The following TXNRD3 variants were observed in gnomAD, a reference collection of about 807,000 sequenced individuals.
TXNRD3 encodes thioredoxin reductase 3, also known as TXNRD3 neighbor gene protein.
TXNRD3 carries 68 observed loss-of-function variants against 78.2 expected under a neutral mutation model. That is an observed-to-expected ratio of 0.87 (90% CI 0.72 to 1.06). The LOEUF is 1.06. Among genes scored for constraint, TXNRD3 ranks in the 50% least tolerant of loss-of-function variants. The pLI, the probability that TXNRD3 is intolerant of heterozygous loss-of-function variation, is 0.00. For missense variants in TXNRD3, 751 were observed against 809.5 expected, an observed-to-expected ratio of 0.93 and a Z score of 0.88; for synonymous variants, 296 against 300.1, an observed-to-expected ratio of 0.99 and a Z score of 0.14.
chr3:126,633,982 C>A lies in TXNRD3; in HGVS notation c.782G>T (p.Arg261Met). Residue 261 changes from arginine (R) to methionine (M), a missense_variant, in exon 7 of 16, where the codon AGG (arginine) becomes ATG (methionine). By Grantham distance (91) the Arg-to-Met change is moderately conservative. Coordinates refer to ENST00000524230, the MANE Select transcript of TXNRD3 (RefSeq NM_052883.3). ...CACAGCCTTTTCCCTCAGAGACAAC[C>A]TGTAGCCCCAGTTTAGAGAGCTGAT... The A allele has an allele frequency of 8.5e-6, 13 of 1,527,284 alleles. No homozygotes were observed. Among genetic ancestry groups the A allele is most frequent in the Non-Finnish European group, 1.1e-5 (13 of 1,141,670 alleles). The allele number at this position is 1,527,284 out of a possible 1,614,324, so 94.6% of individuals were successfully genotyped here.
chr3:126,610,394 T>C (rs72971176), intron 14 of TXNRD3, among the ~76,000 whole-genome samples: 11,129 of 152,268 alleles, frequency 0.073, 473 homozygotes, highest in East Asian at 0.2. Context: ...AAGCAAATTA[T>C]AAACAAACTG....
chr3:126,618,840 A>G (rs566038160), intron 12 of TXNRD3, among the ~76,000 whole-genome samples: 32 of 150,750 alleles, frequency 2.1e-4, no homozygotes, highest in South Asian at 1.5e-3. Context: ...ATCCCTACAC[A>G]AGGAACTCAA....
intron 15 of TXNRD3, 74 bp downstream of exon 15, chr3:126,608,425 T>C (rs1216163957): frequency 7.2e-7 from 1 of 1,383,936 alleles, no homozygotes; most frequent in East Asian, 2.6e-5. Context: ...ATGACATCTT[T>C]CTGACAAGTG....
rs1398990842 is a variant in TXNRD3, at chr3:126,630,727, T to C, written c.1182A>G (p.Lys394=). 5.2e-6 allele frequency: 8 copies of C among 1,534,272 alleles called. No homozygotes were observed. In the East Asian group the frequency reaches 1.7e-4, roughly 33 times the overall value. Residue 394 remains lysine (K), a synonymous_variant, in exon 9 of 16, where the codon AAA becomes AAG. Coordinates refer to ENST00000524230, the MANE Select transcript of TXNRD3 (RefSeq NM_052883.3). ...GCAGCCTTACCATCACAGGTATGAATTTCCGTAGGAACTTCACACCATGCT... is the reference window on the plus strand; with the variant it reads ...GCAGCCTTACCATCACAGGTATGAACTTCCGTAGGAACTTCACACCATGCT...
At chr3:126,643,662 T>C (rs554907209) in intron 5 of TXNRD3, among the ~76,000 whole-genome samples, 5 of 152,344 alleles carry the variant, frequency 3.3e-5, no homozygotes, top group African/African-American at 1.2e-4. Flanking sequence ...GTTTATATTA[T>C]CTTTCCAACA....
chr3:126,632,269 C>T (rs1037490700), intron 7 of TXNRD3, among the ~76,000 whole-genome samples: 1 of 152,108 alleles, frequency 6.6e-6, no homozygotes, highest in Non-Finnish European at 1.5e-5. Flanking sequence ...TGTCAGAAGT[C>T]ACATGAAACA....
At chr3:126,644,594 C>A (rs1933184825) in intron 3 of TXNRD3, among the ~76,000 whole-genome samples, 193 bp from the exon 4 acceptor site, 1 of 152,174 alleles carries the variant, frequency 6.6e-6, no homozygotes, top group South Asian at 2.1e-4. Context: ...AGAACTTATA[C>A]CAAAGTACAT....
intron 11 of TXNRD3, 60 bp from the exon 12 acceptor site, chr3:126,621,958 A>G: frequency 3.8e-6 from 5 of 1,325,440 alleles, no homozygotes; most frequent in Non-Finnish European, 4.9e-6. Flanking sequence ...CTGCTGGCTG[A>G]CTAATACTAT....
In TXNRD3 at chr3:126,646,210, G is replaced by T. The variant is rs1254966007; in HGVS notation, c.315C>A (p.Ala105=). 1.3e-6 allele frequency: 2 copies of T among 1,516,246 alleles called. No individual in the cohort carries two copies. The highest frequency in any genetic ancestry group is 3.4e-4 in the Middle Eastern group (2 of 5,894). The allele number at this position is 1,516,246 out of a possible 1,614,324, so 93.9% of individuals were successfully genotyped here. A position where few individuals can be genotyped will look rare whatever the true frequency, so the allele number is the denominator to read the frequency against. The change falls in exon 3 of 16, where the codon GCC becomes GCA. Residue 105 remains alanine (A), a synonymous_variant. Transcript: ENST00000524230. ...TTTCTGACAGCACTTCTTGAACCCT[G>T]GCCCCATCATCTAAAGAAGAAAAAA...
rs1012473175 is a variant in TXNRD3, at chr3:126,630,759, T to C, written c.1150A>G (p.Met384Val). 6.5e-7 allele frequency: 1 copy of C among 1,534,480 alleles called. No homozygotes were observed. The highest frequency in any genetic ancestry group is 1.2e-5 in the South Asian group (1 of 83,988). Reference sequence around the variant, plus strand: ...AGGAACTTCACACCATGCTGCTCCATGTAGGAACCCACTTTTTCTGCCATT... The same window carrying C: ...AGGAACTTCACACCATGCTGCTCCACGTAGGAACCCACTTTTTCTGCCATT... The change falls in exon 9 of 16, where the codon ATG (methionine) becomes GTG (valine). Residue 384 changes from methionine (M) to valine (V), a missense_variant. Met to Val is a conservative substitution (Grantham distance 21, BLOSUM62 1). Coordinates refer to ENST00000524230, the MANE Select transcript of TXNRD3 (RefSeq NM_052883.3).
chr3:126,643,308 C>T (rs978075042), intron 5 of TXNRD3, among the ~76,000 whole-genome samples: 2 of 152,190 alleles, frequency 1.3e-5, no homozygotes, highest in Admixed American at 1.3e-4. Flanking sequence ...AAACATCCAG[C>T]ACAAAATCTA....
At position 126,637,067 on chromosome 3, in the gene TXNRD3, T is replaced by C. The variant is rs139633177; in HGVS notation, c.713-3016A>G. 9.8e-5 allele frequency among the ~76,000 whole-genome samples: 15 copies of C among 152,306 alleles called. No homozygotes were observed. The East Asian group carries it at 2.7e-3, about 27-fold the overall frequency. On this transcript the variant is annotated intron_variant, in intron 6 of 15. Coordinates refer to ENST00000524230, the MANE Select transcript of TXNRD3 (RefSeq NM_052883.3). ...TTATACAGGAAGTGCCTGTTACTTG[T>C]AGATTTGGAAAAATGTACCTGTAAC...
chr3:126,632,720 C>A (rs1363306301), intron 7 of TXNRD3, among the ~76,000 whole-genome samples: 3 of 150,604 alleles, frequency 2.0e-5, no homozygotes, highest in Non-Finnish European at 4.4e-5. Context: ...AAGAAAAAAA[C>A]CATTCACATG....
Position 126,644,068 on chromosome 3 carries a change from C to G in TXNRD3, c.520-15G>C. On this transcript the variant is annotated splice_polypyrimidine_tract_variant and intron_variant, in intron 4 of 15. Coordinates refer to ENST00000524230, the MANE Select transcript of TXNRD3 (RefSeq NM_052883.3). ...ATGGCAGCTTCCTACAAACGAACAA[C>G]AACAAAAATTACGTATAAAGATCTT... 6.5e-7 allele frequency: 1 copy of G among 1,535,062 alleles called. No individual in the cohort carries two copies. Among genetic ancestry groups the G allele is most frequent in the Non-Finnish European group, 8.7e-7 (1 of 1,146,608 alleles).
intron 14 of TXNRD3, among the ~76,000 whole-genome samples, chr3:126,609,498 A>C (rs1191945543): frequency 1.3e-5 from 2 of 152,196 alleles, no homozygotes; most frequent in Non-Finnish European, 2.9e-5. Flanking sequence ...TTGCTCAGCA[A>C]GCAGAAAAGG....
chr3:126,642,644 T>C (rs1453595731), intron 5 of TXNRD3, among the ~76,000 whole-genome samples: 1 of 152,164 alleles, frequency 6.6e-6, no homozygotes, highest in Non-Finnish European at 1.5e-5. Flanking sequence ...GGTGTTCTGG[T>C]ATCCCAGATA....
At chr3:126,651,159 G>A (rs545269759) in intron 1 of TXNRD3, among the ~76,000 whole-genome samples, 14 of 152,230 alleles carry the variant, frequency 9.2e-5, no homozygotes, top group African/African-American at 3.4e-4. Flanking sequence ...GAGGTTCATG[G>A]GCAAAAAGAA....
In TXNRD3 at chr3:126,622,551, A is replaced by T. The variant is rs1420900418; in HGVS notation, c.1291-11T>A. 1.3e-5 allele frequency: 20 copies of T among 1,530,326 alleles called. No individual in the cohort carries two copies. Among genetic ancestry groups the T allele is most frequent in the Non-Finnish European group, 1.7e-5 (20 of 1,144,482 alleles). 94.8% of individuals were successfully genotyped at this position (1,530,326 alleles called of 1,614,324 possible). A position where few individuals can be genotyped will look rare whatever the true frequency, so the allele number is the denominator to read the frequency against. ...AATAGCTAACAAAACCTGCATTTGC[A>T]GAGAAATCAAAAACACAAATTATCC... On this transcript the variant is annotated splice_polypyrimidine_tract_variant and intron_variant, in intron 10 of 15. Coordinates refer to ENST00000524230, the MANE Select transcript of TXNRD3 (RefSeq NM_052883.3).
At chr3:126,608,296 G>A (rs889711053) in intron 15 of TXNRD3, among the ~76,000 whole-genome samples, 28 of 152,326 alleles carry the variant, frequency 1.8e-4, no homozygotes, top group African/African-American at 5.8e-4. Context: ...GGGAGGTGGA[G>A]GTTGCAGTGA....
Sources: gnomAD v4.1 joint callset for allele counts (sites outside exome capture counted in the v4.1 genomes callset) on GRCh38, gnomAD v4.1.1 for gene constraint, MANE v1.5 for transcripts, NCBI Gene and HGNC (gene_info 2026-07-23, HGNC 2026-07-21) for gene names.